NCS1: variants seen among roughly 807,000 people sequenced by gnomAD.
The protein encoded by NCS1 is frequenin homolog.
A neutral mutation model predicts 28.4 loss-of-function variants in NCS1; 6 were observed. The observed-to-expected ratio is 0.21, with a 90% CI of 0.12 to 0.42. NCS1 has a LOEUF of 0.42. NCS1 is among the 10% of genes least tolerant of loss of function. NCS1 has a pLI of 1.00. For missense variants in NCS1, 131 were observed against 241.4 expected (o/e 0.54, Z 3.03); for synonymous variants, 86 against 99.3 (o/e 0.87, Z 0.79).
In NCS1 at chr9:130,180,679, C is replaced by A. The variant is rs530098325; in HGVS notation, c.64+7952C>A. Among the ~76,000 whole-genome samples, 79 of 152,276 alleles carry A rather than the reference C, an allele frequency of 5.2e-4. No homozygotes were observed. Among genetic ancestry groups the A allele is most frequent in the Middle Eastern group, 3.4e-3 (1 of 294 alleles). On this transcript the variant is annotated intron_variant, in intron 1 of 7. Transcript: ENST00000372398. The surrounding 1 kb of genome is among the most constrained non-coding windows in gnomAD (Gnocchi z 4.5). ...TCTCTGAGCTCTGAGGTCCCTTGCG[C>A]ATGAGACAGGGATGTTTGCACAGGG... is the stretch of plus-strand genomic sequence containing the variant.
intron 1 of NCS1, among the ~76,000 whole-genome samples, chr9:130,176,834 A>G (rs910358019): frequency 1.3e-5 from 2 of 152,386 alleles, no homozygotes; most frequent in African/African-American, 4.8e-5. Context: ...CGAAAACTCC[A>G]GCATGGGGGT....
At chr9:130,229,387 T>C (rs1431291849) in intron 7 of NCS1, among the ~76,000 whole-genome samples, 8 of 152,020 alleles carry the variant, frequency 5.3e-5, no homozygotes, top group African/African-American at 1.7e-4. Context: ...CCCAAGTAGC[T>C]GGGATTACAG....
At chr9:130,201,295 A>C (rs1554907451) in intron 2 of NCS1, among the ~76,000 whole-genome samples, 1 of 152,164 alleles carries the variant, frequency 6.6e-6, no homozygotes, top group Admixed American at 6.5e-5. Flanking sequence ...TTTGGATAAG[A>C]AAGTCCTTCT....
intron 1 of NCS1, among the ~76,000 whole-genome samples, chr9:130,178,839 CCCCT>C: frequency 6.8e-4 from 1 of 1,468 alleles, no homozygotes; most frequent in Admixed American, 3.8e-3. Flanking sequence ...TGGTTTCCCT[CCCCT>C]CCCCTCCCCT....
chr9:130,213,782 T>C (rs1358575969), intron 2 of NCS1, among the ~76,000 whole-genome samples: 1 of 152,068 alleles, frequency 6.6e-6, no homozygotes, highest in Non-Finnish European at 1.5e-5. Flanking sequence ...TTTCACCATG[T>C]TGGCCAGGCT....
intron 2 of NCS1, among the ~76,000 whole-genome samples, chr9:130,203,048 G>GTAAA (rs1554907617): frequency 4.4e-5 from 1 of 22,910 alleles, no homozygotes. Context: ...GGGTAAATAT[G>GTAAA]TGTGTGTGTG....
intron 1 of NCS1, among the ~76,000 whole-genome samples, chr9:130,185,362 C>T (rs782563332): frequency 1.1e-4 from 16 of 152,360 alleles, no homozygotes; most frequent in Non-Finnish European, 1.6e-4. Context: ...AATGAATGAA[C>T]GAAGTTCCTT....
At chr9:130,185,885 C>T (rs782759854) in intron 1 of NCS1, among the ~76,000 whole-genome samples, 2 of 152,242 alleles carry the variant, frequency 1.3e-5, no homozygotes, top group African/African-American at 4.8e-5. Flanking sequence ...GCCTTTGCTG[C>T]GCCTGAGCGC....
intron 2 of NCS1, among the ~76,000 whole-genome samples, chr9:130,213,481 G>A (rs974030427): frequency 1.3e-5 from 2 of 151,814 alleles, no homozygotes; most frequent in African/African-American, 2.4e-5. Flanking sequence ...GGGTTTCACC[G>A]TGTCAGCCAG....
intron 1 of NCS1, among the ~76,000 whole-genome samples, chr9:130,189,879 A>AAAAAAAAAAATATAT (rs1554906056): frequency 2.6e-5 from 1 of 37,748 alleles, no homozygotes; most frequent in African/African-American, 1.2e-4. Context: ...AAAAAAAAAA[A>AAAAAAAAAAATATAT]ATATATATAT....
intron 1 of NCS1, chr9:130,193,695 G>A (rs891377624): frequency 3.3e-5 from 5 of 153,232 alleles, no homozygotes; most frequent in Non-Finnish European, 7.3e-5. Flanking sequence ...GCAGGGAGCA[G>A]AGCCGCCCCC....
intron 7 of NCS1, among the ~76,000 whole-genome samples, chr9:130,228,869 C>T (rs1554911767): frequency 6.6e-6 from 1 of 151,290 alleles, no homozygotes; most frequent in Non-Finnish European, 1.5e-5. Context: ...GGGGTTTCAC[C>T]ATCTTGGCTA....
In NCS1 at chr9:130,175,884, G is replaced by A. The variant is rs1252091432; in HGVS notation, c.64+3157G>A. ...TTGCGGGCGGCCCAGTTTCTTTCAG[G>A]TCTGGCCCACTCTCTTCCAACCTGC... On this transcript the variant is annotated intron_variant, in intron 1 of 7. Transcript: ENST00000372398. This position sits in a 1 kb window ranked among gnomAD's most constrained non-coding sequence, Gnocchi z 4.9. Among the ~76,000 whole-genome samples, 1 of 152,200 alleles carries A rather than the reference G, an allele frequency of 6.6e-6. No individual in the cohort carries two copies. The highest frequency in any genetic ancestry group is 1.5e-5 in the Non-Finnish European group (1 of 68,046).
At chr9:130,211,800 C>T (rs925386692) in intron 2 of NCS1, among the ~76,000 whole-genome samples, 3 of 152,110 alleles carry the variant, frequency 2.0e-5, no homozygotes, top group Non-Finnish European at 2.9e-5. Flanking sequence ...AGATAGGGCT[C>T]CTGCCTCAAC....
chr9:130,230,412 AGT>A (rs1287903712), intron 7 of NCS1, among the ~76,000 whole-genome samples: 3 of 152,176 alleles, frequency 2.0e-5, no homozygotes, highest in Non-Finnish European at 4.4e-5. Context: ...CAGAGAGAAT[AGT>A]GTAATGCTGA....
chr9:130,222,954 G>A, intron 5 of NCS1, 128 bp from the exon 6 acceptor site: 3 of 815,884 alleles, frequency 3.7e-6, no homozygotes, highest in Admixed American at 4.1e-5. Flanking sequence ...CAATGGCAGG[G>A]ATGGGGAGGG....
chr9:130,200,740 AG>A, intron 1 of NCS1: 2 of 1,442,086 alleles, frequency 1.4e-6, no homozygotes, highest in Admixed American at 3.9e-5. Context: ...GGCACCGGGA[AG>A]GGGTGGGGCC....
chr9:130,224,862 G>A (rs567472408), intron 6 of NCS1, among the ~76,000 whole-genome samples: 13 of 152,248 alleles, frequency 8.5e-5, no homozygotes, highest in African/African-American at 1.9e-4. Context: ...AAATAATGAC[G>A]TTAGGGAAAT....
chr9:130,176,987 C>T (rs1226132046), intron 1 of NCS1, among the ~76,000 whole-genome samples: 1 of 152,220 alleles, frequency 6.6e-6, no homozygotes, highest in Admixed American at 6.5e-5. Flanking sequence ...CGGTCCTTCC[C>T]AGGGACCCTC....
Sources: allele counts gnomAD v4.1 joint callset (sites outside exome capture counted in the v4.1 genomes callset), GRCh38; gene constraint gnomAD v4.1.1; non-coding constraint Gnocchi (gnomAD v3.1); transcripts MANE v1.5; gene names NCBI Gene and HGNC (gene_info 2026-07-23, HGNC 2026-07-21).